The following NPC1 variants were observed in gnomAD, a reference collection of about 807,000 sequenced individuals.
The protein encoded by NPC1 is NPC intracellular cholesterol transporter 1.
A neutral mutation model predicts 140.4 loss-of-function variants in NPC1; 85 were observed. That is an observed-to-expected ratio of 0.61 (90% CI 0.51 to 0.72). The LOEUF (loss-of-function observed/expected upper bound fraction) is 0.72. NPC1 is among the 30% of genes least tolerant of loss of function. The pLI, the probability that NPC1 is intolerant of heterozygous loss-of-function variation, is 0.00. For missense variants in NPC1, 1,504 were observed against 1,623.8 expected (o/e 0.93, Z 1.27); for synonymous variants, 656 against 624.8 (o/e 1.05, Z -0.74).
At chr18:23,578,877 C>G (rs1362183953) in intron 1 of NPC1, among the ~76,000 whole-genome samples, 2 of 152,272 alleles carry the variant, frequency 1.3e-5, no homozygotes, top group Non-Finnish European at 2.9e-5. Flanking sequence ...ACCTATCGCT[C>G]ACTCCCAGGG....
downstream of NPC1, chr18:23,529,763 A>G (rs1272965684): frequency 5.2e-6 from 8 of 1,530,348 alleles, no homozygotes; most frequent in Non-Finnish European, 5.4e-6. Context: ...ATTTAAAAAA[A>G]AAACACAGTC....
rs766770645 is a variant in NPC1, at chr18:23,539,385, T to C, written c.2881A>G (p.Asn961Asp). The part of the protein sequence containing the change: ...KPQSSCCRVD[N>D]ITDQFCNASV... The stretch of plus-strand genomic sequence containing the variant: ...GCATTGCAGAACTGGTCAGTGATAT[T>C]GTCCACTCGACAGCAAGACGACTGT... The change falls in exon 19 of 25, where the codon AAT becomes GAT. Residue 961 changes from asparagine to aspartate, a missense_variant. Transcript: ENST00000269228. 6.2e-6 allele frequency: 10 copies of C among 1,613,850 alleles called. No homozygotes were observed. Among genetic ancestry groups the C allele is most frequent in the South Asian group, 1.1e-5 (1 of 91,000 alleles).
At position 23,539,973 on chromosome 18, in the gene NPC1, G is replaced by A; in HGVS notation, c.2633C>T (p.Ser878Phe). 3 of 1,614,178 alleles carry A rather than the reference G, an allele frequency of 1.9e-6. No homozygotes were observed. Among genetic ancestry groups the A allele is most frequent in the Non-Finnish European group, 2.5e-6 (3 of 1,180,010 alleles). Residue 878 changes from serine (S) to phenylalanine (F), a missense_variant, in exon 18 of 25, where the codon TCC becomes TTC. Coordinates refer to ENST00000269228, the MANE Select transcript of NPC1 (RefSeq NM_000271.5). ...DDSYMVDYFK[S>F]ISQYLHAGPP... ...ACCCGCATGCAGGTACTGACTGATG[G>A]ATTTGAAATAATCCACCATGTAGGA...
At chr18:23,511,234 C>T (rs1268133184) in intron 3 of NPC1, among the ~76,000 whole-genome samples, 1 of 152,098 alleles carries the variant, frequency 6.6e-6, no homozygotes. Flanking sequence ...GAACAGAAAA[C>T]CAAATACCAC....
intron 4 of NPC1, among the ~76,000 whole-genome samples, chr18:23,562,739 T>C (rs551178806): frequency 1.3e-5 from 2 of 151,936 alleles, no homozygotes; most frequent in Non-Finnish European, 2.9e-5. Context: ...TTAATCCCAG[T>C]AATTTGGGAG....
At chr18:23,555,029 A>G (rs766864596) in intron 8 of NPC1, 45 bp from the exon 9 acceptor site, 5 of 1,232,190 alleles carry the variant, frequency 4.1e-6, no homozygotes, top group South Asian at 1.2e-5. Context: ...AACACGTCAC[A>G]TTTCTCTCAG....
chr18:23,569,155 T>C (rs1445191998), intron 3 of NPC1, among the ~76,000 whole-genome samples, 157 bp from the exon 4 acceptor site: 1 of 152,224 alleles, frequency 6.6e-6, no homozygotes, highest in Non-Finnish European at 1.5e-5. Flanking sequence ...TAAAACTTCA[T>C]GTTAAAATAA....
intron 3 of NPC1, among the ~76,000 whole-genome samples, chr18:23,570,307 G>A (rs559744638): frequency 1.6e-4 from 25 of 152,282 alleles, no homozygotes; most frequent in African/African-American, 6.0e-4. Context: ...CTGATAATAT[G>A]GAGAAAGGTT....
chr18:23,540,761 G>A (rs1328892645), intron 16 of NPC1, among the ~76,000 whole-genome samples: 3 of 152,272 alleles, frequency 2.0e-5, no homozygotes, highest in South Asian at 4.2e-4. Flanking sequence ...GTGACTTGGG[G>A]CAAACCACTT....
At chr18:23,515,925 T>C (rs2057990176) in intron 3 of NPC1, 8 of 1,614,174 alleles carry the variant, frequency 5.0e-6, no homozygotes, top group Non-Finnish European at 6.8e-6. Flanking sequence ...GTACATGTAC[T>C]GCCCCGAGAG....
intron 11 of NPC1, among the ~76,000 whole-genome samples, chr18:23,546,248 C>CAAAAAAA (rs60021403): frequency 4.2e-4 from 19 of 45,580 alleles, no homozygotes; most frequent in African/African-American, 1.5e-3. Context: ...GACTCTGTCT[C>CAAAAAAA]AAAAAAAAAA....
In NPC1 at chr18:23,539,952, G is replaced by A. The variant is rs769193340; in HGVS notation, c.2654C>T (p.Ala885Val). 1.1e-5 allele frequency: 17 copies of A among 1,614,152 alleles called. No individual in the cohort carries two copies. Among genetic ancestry groups the A allele is most frequent in the Non-Finnish European group, 1.3e-5 (15 of 1,179,986 alleles). The change falls in exon 18 of 25, where the codon GCG becomes GTG. Residue 885 changes from alanine to valine, a missense_variant. Physicochemically the swap from Ala to Val is moderately conservative, Grantham distance 64 (BLOSUM62 0). Transcript: ENST00000269228. ...YFKSISQYLH[A>V]GPPVYFVLEE... ...CAGGACAAAGTACACAGGCGGACCC[G>A]CATGCAGGTACTGACTGATGGATTT...
rs75630823 is a variant in NPC1 at position 23,574,879 on chromosome 18, C to T, written c.58-1305G>A. Among the ~76,000 whole-genome samples the T allele has an allele frequency of 8.2e-3, 1,252 of 152,186 alleles. 10 individuals are homozygous for T. The highest frequency in any genetic ancestry group is 0.029 in the African/African-American group (1,184 of 41,518). On this transcript the variant is annotated intron_variant, in intron 1 of 24. Coordinates refer to ENST00000269228, the MANE Select transcript of NPC1 (RefSeq NM_000271.5). ...ATCCCAATTGTTATTCCCATAAACC[C>T]GGTGATTCTAAGGAAAAAAGAAACG...
Position 23,533,694 on chromosome 18 carries a change from AGATGG to A in NPC1, c.3592-182_3592-178del, listed in dbSNP as rs1192048503. The A allele has an allele frequency of 1.5e-4, 95 of 635,304 alleles. 1 individual carries two copies. The South Asian group carries it at 1.6e-3, about 11-fold the overall frequency. 39.4% of individuals were successfully genotyped at this position (635,304 alleles called of 1,614,324 possible). A position where few individuals can be genotyped will look rare whatever the true frequency, so the allele number is the denominator to read the frequency against. ...TGGCTAATTTTTGTGTTTTTAGTAG[AGATGG>A]GGTTTCACCATGTTGGCCATGGTCT... On this transcript the variant is annotated intron_variant, in intron 23 of 24. Coordinates refer to ENST00000269228, the MANE Select transcript of NPC1 (RefSeq NM_000271.5).
At chr18:23,544,811 G>C in intron 12 of NPC1, 149 bp downstream of exon 12, 1 of 700,264 alleles carries the variant, frequency 1.4e-6, no homozygotes, top group Non-Finnish European at 2.5e-6. Flanking sequence ...AATAGATGTA[G>C]GCAACAGAAA....
chr18:23,518,856 A>G (rs766871888), downstream of NPC1: 100 of 1,591,950 alleles, frequency 6.3e-5, no homozygotes, highest in Non-Finnish European at 7.9e-5. Context: ...TTGAATGGCC[A>G]GATGTGATTT....
rs2058814345 is a variant in NPC1, at chr18:23,548,084, G to A, written c.1679C>T (p.Ala560Val). 1 of 1,609,964 alleles carries A rather than the reference G, an allele frequency of 6.2e-7. No individual in the cohort carries two copies. Among genetic ancestry groups the A allele is most frequent in the Non-Finnish European group, 8.5e-7 (1 of 1,176,296 alleles). The part of the protein sequence containing the change: ...YDDQNYNNAT[A>V]LVITFPVNNY... ...ATTGACAGGGAAGGTAATCACAAGG[G>A]CAGTGGCGTTATTGTAGTTTTGATC... The change falls in exon 11 of 25, where the codon GCC becomes GTC. Residue 560 changes from alanine (A) to valine (V), a missense_variant. Coordinates refer to ENST00000269228, the MANE Select transcript of NPC1 (RefSeq NM_000271.5).
In NPC1 at chr18:23,544,241, A is replaced by G. The variant is rs543932302; in HGVS notation, c.2130+103T>C. On this transcript the variant is annotated intron_variant, in intron 13 of 24. Transcript: ENST00000269228. ...ATGAGCCACACAGGGAAAGGAAACAAAACACCCTCACAGGTCACACTCACG... is the reference window on the plus strand; with the variant it reads ...ATGAGCCACACAGGGAAAGGAAACAGAACACCCTCACAGGTCACACTCACG... 6 of 1,154,356 alleles carry G rather than the reference A, an allele frequency of 5.2e-6. No homozygotes were observed. The African/African-American group carries it at 7.6e-5, about 15-fold the overall frequency. The allele number at this position is 1,154,356 out of a possible 1,614,324, so 71.5% of individuals were successfully genotyped here. A position where few individuals can be genotyped will look rare whatever the true frequency, so the allele number is the denominator to read the frequency against.
intron 21 of NPC1, 31 bp downstream of exon 21, chr18:23,536,642 G>GT: frequency 6.3e-7 from 1 of 1,594,616 alleles, no homozygotes; most frequent in East Asian, 2.2e-5. Flanking sequence ...CCTTTGCTGG[G>GT]TAAACCCCAT....
Sources: allele counts gnomAD v4.1 joint callset (sites outside exome capture counted in the v4.1 genomes callset), GRCh38; gene constraint gnomAD v4.1.1; transcripts MANE v1.5; gene names NCBI Gene and HGNC (gene_info 2026-07-23, HGNC 2026-07-21).